EFCAB6: variants seen among roughly 807,000 people sequenced by gnomAD.
The protein encoded by EFCAB6 is EF-hand calcium binding domain 6.
Under a neutral mutation model 169.8 loss-of-function variants are expected in EFCAB6, and 156 were observed. That is an observed-to-expected ratio of 0.92 (90% CI 0.81 to 1.05). The LOEUF (loss-of-function observed/expected upper bound fraction) is 1.05, where lower values mean the gene tolerates loss of function less well. Ranked by LOEUF, EFCAB6 falls within the 50% of genes least tolerant of loss-of-function variation. The pLI is 0.00. For synonymous variants in EFCAB6, 698 were observed against 676.4 expected, an observed-to-expected ratio of 1.03 and a Z score of -0.50; for missense variants, 1,800 against 1,829.1, an observed-to-expected ratio of 0.98 and a Z score of 0.29.
intron 17 of EFCAB6, among the ~76,000 whole-genome samples, chr22:43,659,981 G>A (rs1357990660): frequency 6.6e-6 from 1 of 152,150 alleles, no homozygotes; most frequent in Admixed American, 6.5e-5. Context: ...ATGTCTCAGG[G>A]GCCCTGAGCA....
In EFCAB6 at chr22:43,626,651, T is replaced by A; in HGVS notation, c.2261A>T (p.Asp754Val). 1 of 1,614,182 alleles carries A rather than the reference T, an allele frequency of 6.2e-7. No homozygotes were observed. The highest frequency in any genetic ancestry group is 8.5e-7 in the Non-Finnish European group (1 of 1,180,038). The change falls in exon 20 of 32, where the codon GAT becomes GTT. Residue 754 changes from aspartate to valine, a missense_variant. Asp to Val is a radical substitution (Grantham distance 152). Transcript: ENST00000262726. The part of the protein sequence containing the change: ...RDPYSAFFKT[D>V]ADRDGIINMH... The stretch of plus-strand genomic sequence containing the variant: ...GTTGATTATGCCATCCCTGTCAGCA[T>A]CTGTTTTAAAGAAGGCAGAGTAGGG...
chr22:43,716,913 C>T lies in EFCAB6; in HGVS notation c.817G>A (p.Ala273Thr). 6.3e-7 allele frequency: 1 copy of T among 1,591,140 alleles called. No homozygotes were observed. Among genetic ancestry groups the T allele is most frequent in the Non-Finnish European group, 8.5e-7 (1 of 1,170,044 alleles). Residue 273 changes from alanine (A) to threonine (T), a missense_variant, in exon 9 of 32, where the codon GCA (alanine) becomes ACA (threonine). By Grantham distance (58) the Ala-to-Thr change is moderately conservative. Coordinates refer to ENST00000262726, the MANE Select transcript of EFCAB6 (RefSeq NM_022785.4). Reference protein sequence around the residue: ...NSKKERLLGSASSEDIWRNYS... With the variant: ...NSKKERLLGSTSSEDIWRNYS... ...TTTCTCCAGATATCTTCAGATGATG[C>T]AGAACCTAGCAAACGTTCCTTTTTG... is the stretch of plus-strand genomic sequence containing the variant.
chr22:43,615,204 A>G (rs1201365825), intron 21 of EFCAB6, among the ~76,000 whole-genome samples: 2 of 152,232 alleles, frequency 1.3e-5, no homozygotes, highest in Admixed American at 1.3e-4. Context: ...TTCTTGTTGC[A>G]TTATAAAGTG....
chr22:43,534,645 C>A (rs774015973), intron 30 of EFCAB6, 43 bp downstream of exon 30: 1 of 1,547,608 alleles, frequency 6.5e-7, no homozygotes, highest in Non-Finnish European at 8.7e-7. Flanking sequence ...TGAAAGCGCC[C>A]CTTTCCACCT....
rs181303987 is a variant in EFCAB6, at chr22:43,789,135, C to T, written c.-7-6810G>A. On this transcript the variant is annotated intron_variant, in intron 2 of 31. Coordinates refer to ENST00000262726, the MANE Select transcript of EFCAB6 (RefSeq NM_022785.4). ...GAACTGGAAGAAGGGAGGAATGGGA[C>T]TGCTGATGGATACAGAGTTTCTTTT... Among the ~76,000 whole-genome samples, 6 of 152,230 alleles carry T rather than the reference C, an allele frequency of 3.9e-5. No individual in the cohort carries two copies. In the East Asian group the frequency reaches 1.2e-3, roughly 29 times the overall value.
chr22:43,571,186 G>A (rs1569176324), intron 26 of EFCAB6, among the ~76,000 whole-genome samples: 1 of 152,180 alleles, frequency 6.6e-6, no homozygotes, highest in Non-Finnish European at 1.5e-5. Context: ...CCCAATATAA[G>A]AAATGGATTA....
intron 4 of EFCAB6, 81 bp downstream of exon 4, chr22:43,772,811 A>G (rs1603353848): frequency 1.3e-6 from 2 of 1,487,166 alleles, no homozygotes; most frequent in Non-Finnish European, 1.8e-6. Context: ...GGGGACAAAG[A>G]CAGGAGAGGT....
At chr22:43,564,133 G>A (rs1322231175) in intron 26 of EFCAB6, among the ~76,000 whole-genome samples, 4 of 152,154 alleles carry the variant, frequency 2.6e-5, no homozygotes, top group African/African-American at 9.7e-5. Context: ...CATCTTCCAG[G>A]ACATCCCCCA....
At chr22:43,749,887 C>CAAT (rs2060694767) in intron 6 of EFCAB6, among the ~76,000 whole-genome samples, 1 of 152,146 alleles carries the variant, frequency 6.6e-6, no homozygotes, top group African/African-American at 2.4e-5. Context: ...CACAGAATCC[C>CAAT]AATAACACTG....
At chr22:43,740,358 T>C (rs1373198286) in intron 6 of EFCAB6, among the ~76,000 whole-genome samples, 1 of 152,006 alleles carries the variant, frequency 6.6e-6, no homozygotes, top group Non-Finnish European at 1.5e-5. Flanking sequence ...GGACACTCAG[T>C]GAGTATCTGT....
In EFCAB6 at chr22:43,600,236, A is replaced by C; in HGVS notation, c.2709T>G (p.Ile903Met). 6.2e-7 allele frequency: 1 copy of C among 1,614,152 alleles called. No homozygotes were observed. The highest frequency in any genetic ancestry group is 8.5e-7 in the Non-Finnish European group (1 of 1,180,016). ...ATTTCTGTAAAAATTCCTGGTAAGT[A>C]ATGTGCCCTTTTCCCTCGGTGTCGT... ...ARYDTEGKGHITYQEFLQKLG... is the reference protein window; with the variant it reads ...ARYDTEGKGHMTYQEFLQKLG... Residue 903 changes from isoleucine (I) to methionine (M), a missense_variant, in exon 23 of 32, where the codon ATT (isoleucine) becomes ATG (methionine). Coordinates refer to ENST00000262726, the MANE Select transcript of EFCAB6 (RefSeq NM_022785.4).
At chr22:43,794,076 G>C (rs1416146137) in intron 2 of EFCAB6, among the ~76,000 whole-genome samples, 3 of 152,008 alleles carry the variant, frequency 2.0e-5, no homozygotes. Context: ...TCTGGGGGAT[G>C]GGGCCCAGCC....
intron 17 of EFCAB6, among the ~76,000 whole-genome samples, chr22:43,645,610 G>A (rs1216201276): frequency 6.6e-6 from 1 of 152,194 alleles, no homozygotes; most frequent in Admixed American, 6.5e-5. Flanking sequence ...TTAAGGGACA[G>A]GTGAATTTAC....
At chr22:43,720,814 A>C (rs2059498301) in intron 8 of EFCAB6, among the ~76,000 whole-genome samples, 1 of 152,180 alleles carries the variant, frequency 6.6e-6, no homozygotes, top group Admixed American at 6.5e-5. Flanking sequence ...AAAACCAAAC[A>C]ATGGAATGGA....
At chr22:43,634,304 T>C (rs566692859) in intron 18 of EFCAB6, among the ~76,000 whole-genome samples, 1 of 152,286 alleles carries the variant, frequency 6.6e-6, no homozygotes, top group African/African-American at 2.4e-5. Context: ...CTTCTCATGA[T>C]GCCATTTTTC....
intron 26 of EFCAB6, 102 bp from the exon 27 acceptor site, chr22:43,555,198 T>C: frequency 8.0e-7 from 1 of 1,257,532 alleles, no homozygotes. Flanking sequence ...CCCAGCGTGG[T>C]GGGGAGGAGA....
intron 13 of EFCAB6, among the ~76,000 whole-genome samples, chr22:43,674,647 C>A (rs1173364056): frequency 6.6e-6 from 1 of 152,184 alleles, no homozygotes; most frequent in Non-Finnish European, 1.5e-5. Flanking sequence ...ACACCACTTG[C>A]CACGTAGAGA....
intron 6 of EFCAB6, among the ~76,000 whole-genome samples, chr22:43,748,046 C>T (rs929091): frequency 0.037 from 5,667 of 152,178 alleles, 363 homozygotes; most frequent in African/African-American, 0.13. Context: ...CTTTGTATCC[C>T]CAATAACCAC....
intron 16 of EFCAB6, among the ~76,000 whole-genome samples, chr22:43,668,235 T>G (rs973591323): frequency 4.6e-5 from 7 of 152,254 alleles, no homozygotes; most frequent in African/African-American, 1.7e-4. Flanking sequence ...TGAAGTCTGC[T>G]GAATAGTTCT....
Sources: gnomAD v4.1 joint callset for allele counts (sites outside exome capture counted in the v4.1 genomes callset) on GRCh38, gnomAD v4.1.1 for gene constraint, MANE v1.5 for transcripts, NCBI Gene and HGNC (gene_info 2026-07-23, HGNC 2026-07-21) for gene names.